MINDY2: variants seen among roughly 807,000 people sequenced by gnomAD.
MINDY2 encodes MINDY lysine 48 deubiquitinase 2.
In MINDY2, 52 loss-of-function variants were observed where a neutral mutation model predicts 68.2. That is an observed-to-expected ratio of 0.76 (90% confidence interval 0.61 to 0.96). The LOEUF (loss-of-function observed/expected upper bound fraction) is 0.96. Ranked by LOEUF, MINDY2 falls within the 40% of genes least tolerant of loss-of-function variation. The pLI is 0.00. For synonymous variants in MINDY2, 372 were observed against 303.0 expected, an observed-to-expected ratio of 1.23 and a Z score of -2.36; for missense variants, 881 against 773.4, an observed-to-expected ratio of 1.14 and a Z score of -1.65.
intron 1 of MINDY2, among the ~76,000 whole-genome samples, chr15:58,773,110 T>C (rs1489045272): frequency 6.7e-6 from 1 of 149,156 alleles, no homozygotes; most frequent in Non-Finnish European, 1.5e-5. Flanking sequence ...TTGATAATTA[T>C]ATCTGTAGAT....
Position 58,842,189 on chromosome 15 carries a change from C to A in MINDY2, c.1369-5108C>A, listed in dbSNP as rs539635735. 2.0e-5 allele frequency among the ~76,000 whole-genome samples: 3 copies of A among 152,126 alleles called. No homozygotes were observed. In the South Asian group the frequency reaches 6.2e-4, roughly 32 times the overall value. On this transcript the variant is annotated intron_variant, in intron 6 of 8. Transcript: ENST00000559228. ...CATGTCATAACTGTTTCCCCTATCTCTTGGTTTTAAATTACTGACATCTCT... is the reference window on the plus strand; with the variant it reads ...CATGTCATAACTGTTTCCCCTATCTATTGGTTTTAAATTACTGACATCTCT...
chr15:58,817,398 T>C (rs1246804378), intron 4 of MINDY2, among the ~76,000 whole-genome samples: 8 of 152,200 alleles, frequency 5.3e-5, no homozygotes, highest in Admixed American at 5.2e-4. Flanking sequence ...TAGAGACCAC[T>C]GTACATACAT....
rs562192429 is a variant in MINDY2 at position 58,856,507 on chromosome 15, A to G, written c.*1897A>G. On this transcript the variant is annotated 3_prime_UTR_variant, in exon 9 of 9. Coordinates refer to ENST00000559228, the MANE Select transcript of MINDY2 (RefSeq NM_001040450.3). ...AATTTGTTATTTCTTCAAATTTCCT[A>G]TGGTAGCATGATAAATCATCAAAGA... is the stretch of plus-strand genomic sequence containing the variant. 9.8e-5 allele frequency: 15 copies of G among 152,628 alleles called. No individual in the cohort carries two copies. Among genetic ancestry groups the G allele is most frequent in the African/African-American group, 2.9e-4 (12 of 41,572 alleles). 9.5% of individuals were successfully genotyped at this position (152,628 alleles called of 1,614,324 possible).
At chr15:58,826,858 C>T (rs546664841) in intron 5 of MINDY2, among the ~76,000 whole-genome samples, 1 of 151,968 alleles carries the variant, frequency 6.6e-6, no homozygotes, top group East Asian at 1.9e-4. Flanking sequence ...TCCTTCCTCC[C>T]TCCCTTCCTC....
chr15:58,812,944 T>TA (rs2030398229), intron 4 of MINDY2, among the ~76,000 whole-genome samples: 1 of 152,210 alleles, frequency 6.6e-6, no homozygotes, highest in Non-Finnish European at 1.5e-5. Context: ...TGCCCTTTTA[T>TA]ATCCACACCC....
Position 58,772,074 on chromosome 15 carries a change from G to A in MINDY2, c.679G>A (p.Ala227Thr), listed in dbSNP as rs770806476. ...LCKEEEGEET[A>T]QVLAASKERF... The stretch of plus-strand genomic sequence containing the variant: ...CAAGGAGGAGGAGGGGGAGGAGACC[G>A]CTCAGGTGCTGGCGGCCTCCAAGGA... Residue 227 changes from alanine (A) to threonine (T), a missense_variant, in exon 1 of 9, where the codon GCT (alanine) becomes ACT (threonine). Ala to Thr is a moderately conservative substitution (Grantham distance 58, BLOSUM62 0). Coordinates refer to ENST00000559228, the MANE Select transcript of MINDY2 (RefSeq NM_001040450.3). 1.2e-6 allele frequency: 2 copies of A among 1,612,634 alleles called. No individual in the cohort carries two copies. Among genetic ancestry groups the A allele is most frequent in the Non-Finnish European group, 8.5e-7 (1 of 1,179,182 alleles).
chr15:58,787,618 T>A (rs751611114), intron 1 of MINDY2, among the ~76,000 whole-genome samples: 11 of 151,280 alleles, frequency 7.3e-5, no homozygotes, highest in Admixed American at 2.7e-4. Context: ...GTGCCTGTAG[T>A]CCCAGCTACT....
At chr15:58,773,115 G>A (rs652193) in intron 1 of MINDY2, among the ~76,000 whole-genome samples, 38,857 of 149,886 alleles carry the variant, frequency 0.26, 5,474 homozygotes, top group East Asian at 0.62. Flanking sequence ...AATTATATCT[G>A]TAGATGCAAT....
chr15:58,778,641 T>C (rs1390200734), intron 1 of MINDY2, among the ~76,000 whole-genome samples: 3 of 151,642 alleles, frequency 2.0e-5, no homozygotes, highest in African/African-American at 7.3e-5. Context: ...TTTTTCTTTT[T>C]TTTGAGATAG....
Position 58,812,211 on chromosome 15 carries a change from G to A in MINDY2, c.1122+1823G>A, listed in dbSNP as rs59599149. Among the ~76,000 whole-genome samples, 1,366 of 152,280 alleles carry A rather than the reference G, an allele frequency of 9.0e-3. 18 individuals carry two copies. The highest frequency in any genetic ancestry group is 0.031 in the African/African-American group (1,291 of 41,554). On this transcript the variant is annotated intron_variant, in intron 4 of 8. Coordinates refer to ENST00000559228, the MANE Select transcript of MINDY2 (RefSeq NM_001040450.3). The stretch of plus-strand genomic sequence containing the variant: ...CCAGTACTTTGGGAGGCCGAGGCGG[G>A]TGGATCATGAAGTCAGGAGTTCGAG...
intron 5 of MINDY2, among the ~76,000 whole-genome samples, chr15:58,822,623 C>T (rs1247897530): frequency 6.6e-6 from 1 of 152,090 alleles, no homozygotes; most frequent in Non-Finnish European, 1.5e-5. Context: ...TTTTTCTAAT[C>T]CTTAGCTAAC....
At chr15:58,835,936 G>A (rs1159949258) in intron 6 of MINDY2, among the ~76,000 whole-genome samples, 2 of 151,962 alleles carry the variant, frequency 1.3e-5, no homozygotes, top group African/African-American at 2.4e-5. Context: ...TTTTGAGATG[G>A]GGTCTTGCTG....
At chr15:58,813,223 G>A (rs144554051) in intron 4 of MINDY2, among the ~76,000 whole-genome samples, 3 of 152,206 alleles carry the variant, frequency 2.0e-5, no homozygotes, top group South Asian at 2.1e-4. Context: ...CGCCGGGCAC[G>A]GTGGCTCACG....
chr15:58,838,018 G>A (rs941637786), intron 6 of MINDY2, among the ~76,000 whole-genome samples: 18 of 148,524 alleles, frequency 1.2e-4, no homozygotes, highest in Admixed American at 3.4e-4. Flanking sequence ...TCGTCACAGT[G>A]TTTTCCATCT....
intron 6 of MINDY2, among the ~76,000 whole-genome samples, chr15:58,842,354 T>TAGTTTCTAAACTGTACCTCC (rs2032325263): frequency 6.6e-6 from 1 of 152,116 alleles, no homozygotes; most frequent in Non-Finnish European, 1.5e-5. Context: ...AAGTGAAAAG[T>TAGTTTCTAAACTGTACCTCC]AGTTTAGAAG....
chr15:58,826,062 A>T (rs1446926543), intron 5 of MINDY2, among the ~76,000 whole-genome samples: 1 of 152,064 alleles, frequency 6.6e-6, no homozygotes, highest in Admixed American at 6.6e-5. Flanking sequence ...TTTATTAAAT[A>T]ATATTGGTTT....
rs187925739 is a variant in MINDY2 at position 58,780,966 on chromosome 15, G to C, written c.841-6940G>C. 4.6e-5 allele frequency among the ~76,000 whole-genome samples: 7 copies of C among 152,176 alleles called. No individual in the cohort carries two copies. In the East Asian group the frequency reaches 9.6e-4, roughly 21 times the overall value. On this transcript the variant is annotated intron_variant, in intron 1 of 8. Coordinates refer to ENST00000559228, the MANE Select transcript of MINDY2 (RefSeq NM_001040450.3). ...AAAAGTTTTATTATCAATTTTTGAG[G>C]GGGGAGATATTTCAGCCTAGTAAGC... is the stretch of plus-strand genomic sequence containing the variant.
At chr15:58,773,337 A>T (rs1900564401) in intron 1 of MINDY2, among the ~76,000 whole-genome samples, 1 of 152,240 alleles carries the variant, frequency 6.6e-6, no homozygotes, top group South Asian at 2.1e-4. Context: ...GTAGAAAATC[A>T]AGTAAAGGGA....
chr15:58,851,034 C>T (rs1248471736), intron 7 of MINDY2, among the ~76,000 whole-genome samples: 5 of 151,328 alleles, frequency 3.3e-5, no homozygotes, highest in Non-Finnish European at 5.9e-5. Context: ...AGCGCAGTGG[C>T]GTGATCTCAG....
Sources: gnomAD v4.1 joint callset for allele counts (sites outside exome capture counted in the v4.1 genomes callset) on GRCh38, gnomAD v4.1.1 for gene constraint, MANE v1.5 for transcripts, NCBI Gene and HGNC (gene_info 2026-07-23, HGNC 2026-07-21) for gene names.